The following YTHDC1 variants were observed in gnomAD, a reference collection of about 807,000 sequenced individuals.
The protein encoded by YTHDC1 is YTH domain-containing protein 1.
In YTHDC1, 12 loss-of-function variants were observed where a neutral mutation model predicts 107.0. The observed-to-expected ratio is 0.11, with a 90% confidence interval of 0.07 to 0.18. The LOEUF (loss-of-function observed/expected upper bound fraction) is 0.18, where lower values mean the gene tolerates loss of function less well. Among genes scored for constraint, YTHDC1 ranks in the 10% least tolerant of loss-of-function variants. The pLI is 1.00. For synonymous variants in YTHDC1, 280 were observed against 289.5 expected (o/e 0.97, Z 0.33); for missense variants, 635 against 898.8 (o/e 0.71, Z 3.75).
intron 1 of YTHDC1, among the ~76,000 whole-genome samples, chr4:68,342,520 TA>T (rs1460398045): frequency 2.0e-5 from 3 of 152,208 alleles, no homozygotes; most frequent in African/African-American, 7.2e-5. Context: ...AGAAGTGTCA[TA>T]CATAATACAT....
intron 1 of YTHDC1, 60 bp downstream of exon 1, chr4:68,349,666 C>T (rs537113746): frequency 1.2e-6 from 1 of 826,184 alleles, no homozygotes; most frequent in Non-Finnish European, 1.9e-6. Context: ...GACCACTGCT[C>T]CATCACCCCA....
chr4:68,339,137 G>A (rs930973257), intron 1 of YTHDC1, among the ~76,000 whole-genome samples: 6 of 152,188 alleles, frequency 3.9e-5, no homozygotes, highest in African/African-American at 1.2e-4. Context: ...ATGTTTCACA[G>A]GCCAAATTAA....
intron 1 of YTHDC1, among the ~76,000 whole-genome samples, chr4:68,346,078 C>CATATATATATATAT (rs34633749): frequency 0.02 from 2,599 of 132,402 alleles, 25 homozygotes; most frequent in South Asian, 0.032. Context: ...TGTGTGTGTA[C>CATATATATATATAT]ATATATATAT....
intron 15 of YTHDC1, 105 bp downstream of exon 15, chr4:68,318,412 TAA>T (rs1321681157): frequency 1.7e-6 from 2 of 1,174,370 alleles, no homozygotes; most frequent in Non-Finnish European, 2.4e-6. Context: ...CTGGCCAGTT[TAA>T]GTCTCTTTAA....
In YTHDC1 at chr4:68,312,280, A is replaced by C. The variant is rs1049510228; in HGVS notation, c.*1819T>G. 2 of 152,258 alleles carry C rather than the reference A, an allele frequency of 1.3e-5. No homozygotes were observed. Among genetic ancestry groups the C allele is most frequent in the African/African-American group, 4.8e-5 (2 of 41,472 alleles). The allele number at this position is 152,258 out of a possible 1,614,324, so 9.4% of individuals were successfully genotyped here. On this transcript the variant is annotated 3_prime_UTR_variant, in exon 17 of 17. Transcript: ENST00000344157. ...CCATTTAAATGAGTCTGTATATAAA[A>C]GCACAAAGTCTCTATTGCATACAAA...
chr4:68,327,461 C>T (rs1018718893), intron 9 of YTHDC1, among the ~76,000 whole-genome samples: 2 of 151,986 alleles, frequency 1.3e-5, no homozygotes, highest in African/African-American at 4.8e-5. Flanking sequence ...TTATCTGGTC[C>T]CAATCTTCCA....
intron 1 of YTHDC1, among the ~76,000 whole-genome samples, chr4:68,346,875 G>C (rs1277508946): frequency 1.3e-5 from 2 of 152,130 alleles, no homozygotes; most frequent in East Asian, 1.9e-4. Flanking sequence ...ACATAGTATA[G>C]ATAGGATATA....
At chr4:68,348,690 A>G (rs1725718425) in intron 1 of YTHDC1, among the ~76,000 whole-genome samples, 1 of 152,190 alleles carries the variant, frequency 6.6e-6, no homozygotes, top group Admixed American at 6.5e-5. Context: ...AAAATTAAGA[A>G]AAAAGGATTA....
rs996054488 is a variant in YTHDC1, at chr4:68,348,942, G to A, written c.28+784C>T. On this transcript the variant is annotated intron_variant, in intron 1 of 16. Coordinates refer to ENST00000344157, the MANE Select transcript of YTHDC1 (RefSeq NM_001031732.4). ...CTAGGACCTACATTAATATCTCTAG[G>A]GCTTGGGAACTTAGTATTACTATCT... 3.9e-5 allele frequency among the ~76,000 whole-genome samples: 6 copies of A among 152,104 alleles called. No individual in the cohort carries two copies. The South Asian group carries it at 6.2e-4, about 16-fold the overall frequency.
chr4:68,345,087 T>C (rs549520993), intron 1 of YTHDC1, among the ~76,000 whole-genome samples: 1 of 152,340 alleles, frequency 6.6e-6, no homozygotes, highest in African/African-American at 2.4e-5. Flanking sequence ...ACTGACAAGA[T>C]GTTAGAAATA....
rs1172111110 is a variant in YTHDC1 at position 68,312,934 on chromosome 4, GTTAAC to G, written c.*1160_*1164del. ...TGGTTACCACTGGGAGAACTGGACAGTTAACTTAAAATACAGAACTAATACAAGAG... is the reference window on the plus strand; with the variant it reads ...TGGTTACCACTGGGAGAACTGGACAGTTAAAATACAGAACTAATACAAGAG... On this transcript the variant is annotated 3_prime_UTR_variant, in exon 17 of 17. Coordinates refer to ENST00000344157, the MANE Select transcript of YTHDC1 (RefSeq NM_001031732.4). 10 of 152,290 alleles carry G rather than the reference GTTAAC, an allele frequency of 6.6e-5. No individual in the cohort carries two copies. The highest frequency in any genetic ancestry group is 1.9e-4 in the East Asian group (1 of 5,182). 9.4% of individuals were successfully genotyped at this position (152,290 alleles called of 1,614,324 possible). A position where few individuals can be genotyped will look rare whatever the true frequency, so the allele number is the denominator to read the frequency against.
intron 4 of YTHDC1, among the ~76,000 whole-genome samples, chr4:68,336,237 G>A (rs1724145601): frequency 6.6e-6 from 1 of 151,778 alleles, no homozygotes; most frequent in Non-Finnish European, 1.5e-5. Context: ...GTAGCAATCT[G>A]GTAGCATCTT....
At chr4:68,348,698 T>C (rs995738769) in intron 1 of YTHDC1, among the ~76,000 whole-genome samples, 6 of 152,038 alleles carry the variant, frequency 3.9e-5, no homozygotes, top group Admixed American at 2.6e-4. Context: ...GAAAAAAGGA[T>C]TACACGCCTA....
Position 68,316,320 on chromosome 4 carries a change from T to A in YTHDC1, c.1953A>T (p.Lys651Asn). 1 of 1,612,098 alleles carries A rather than the reference T, an allele frequency of 6.2e-7. No individual in the cohort carries two copies. The highest frequency in any genetic ancestry group is 8.5e-7 in the Non-Finnish European group (1 of 1,179,020). The change falls in exon 16 of 17, where the codon AAA (lysine) becomes AAT (asparagine). Residue 651 changes from lysine (K) to asparagine (N), a missense_variant. Around this residue, in one of 5 missense-constraint regions of YTHDC1, gnomAD observed 256 missense variants for 372.9 expected, o/e 0.69. Coordinates refer to ENST00000344157, the MANE Select transcript of YTHDC1 (RefSeq NM_001031732.4). Reference protein sequence around the residue: ...PVPHEARYRDKRVHDYDMRVD... With the variant: ...PVPHEARYRDNRVHDYDMRVD... ...TGCCTCCTTGTGCACTTACTACTCG[T>A]TTATCTCTGTATCTTGCTTCATGTG...
intron 6 of YTHDC1, 48 bp downstream of exon 6, chr4:68,332,746 A>G: frequency 6.4e-7 from 1 of 1,558,350 alleles, no homozygotes; most frequent in Non-Finnish European, 8.8e-7. Context: ...AAGGAAAAAT[A>G]ATGACTATGC....
rs1235890271 is a variant in YTHDC1, at chr4:68,316,183, A to AG, written c.1959+130_1959+131insC. ...CAGGCATTTTTAATAAAAACAAACA[A>AG]TTATTCCAAAACAGTCTGCAGTAAG... is the stretch of plus-strand genomic sequence containing the variant. On this transcript the variant is annotated intron_variant, in intron 16 of 16. Transcript: ENST00000344157. The AG allele has an allele frequency of 1.2e-5, 12 of 975,322 alleles. No homozygotes were observed. In the African/African-American group the frequency reaches 2.0e-4, roughly 16 times the overall value. The allele number at this position is 975,322 out of a possible 1,614,324, so 60.4% of individuals were successfully genotyped here. A position where few individuals can be genotyped will look rare whatever the true frequency, so the allele number is the denominator to read the frequency against.
At chr4:68,332,226 A>G in intron 6 of YTHDC1, 29 bp from the exon 7 acceptor site, 1 of 1,498,286 alleles carries the variant, frequency 6.7e-7, no homozygotes, top group Non-Finnish European at 9.2e-7. Context: ...CAAATCGATT[A>G]ACCACAAGCC....
intron 10 of YTHDC1, 125 bp from the exon 11 acceptor site, chr4:68,323,040 G>C (rs1722602692): frequency 1.2e-6 from 1 of 837,124 alleles, no homozygotes; most frequent in African/African-American, 1.7e-5. Context: ...GATCATATGG[G>C]ATTCCAATAA....
intron 5 of YTHDC1, 57 bp downstream of exon 5, chr4:68,333,251 C>T: frequency 7.3e-7 from 1 of 1,375,452 alleles, no homozygotes; most frequent in Non-Finnish European, 1.0e-6. Flanking sequence ...CCTCCACACG[C>T]TTTCTAAAGC....
Sources: allele counts gnomAD v4.1 joint callset (sites outside exome capture counted in the v4.1 genomes callset), GRCh38; gene constraint gnomAD v4.1.1; regional missense constraint gnomAD v4.1.1; transcripts MANE v1.5; gene names NCBI Gene and HGNC (gene_info 2026-07-23, HGNC 2026-07-21).